SLC22A4: variants seen among roughly 807,000 people sequenced by gnomAD.
SLC22A4 encodes the protein solute carrier family 22 member 4.
Under a neutral mutation model 56.6 loss-of-function variants are expected in SLC22A4, and 39 were observed. That is an observed-to-expected ratio of 0.69 (90% CI 0.53 to 0.90). The LOEUF is 0.90. Ranked by LOEUF, SLC22A4 falls within the 40% of genes least tolerant of loss-of-function variation. The probability of loss-of-function intolerance (pLI) is 0.00; values close to 1 mark genes in which losing one functional copy is unlikely to be tolerated. For missense variants in SLC22A4, 594 were observed against 696.5 expected (o/e 0.85, Z 1.66); for synonymous variants, 241 against 281.4 (o/e 0.86, Z 1.44).
At chr5:132,343,698 G>T in intron 9 of SLC22A4, 62 bp from the exon 10 acceptor site, 1 of 992,560 alleles carries the variant, frequency 1.0e-6, no homozygotes, top group Non-Finnish European at 1.6e-6. Flanking sequence ...AATTTGGATG[G>T]AGCATTTTGA....
At chr5:132,343,038 A>G (rs1377376215) in intron 9 of SLC22A4, among the ~76,000 whole-genome samples, 1 of 152,206 alleles carries the variant, frequency 6.6e-6, no homozygotes, top group Non-Finnish European at 1.5e-5. Context: ...GGGCCCAGCC[A>G]AGGGTTGCCT....
At chr5:132,303,223 C>T (rs574079626) in intron 1 of SLC22A4, among the ~76,000 whole-genome samples, 5 of 152,276 alleles carry the variant, frequency 3.3e-5, no homozygotes, top group East Asian at 1.9e-4. Flanking sequence ...TCTGAGACTT[C>T]GAAGTTAGCA....
At chr5:132,302,740 T>C (rs1486494604) in intron 1 of SLC22A4, among the ~76,000 whole-genome samples, 2 of 152,192 alleles carry the variant, frequency 1.3e-5, no homozygotes, top group African/African-American at 2.4e-5. Context: ...GGTGGATCCA[T>C]TGTCAGGATG....
chr5:132,298,286 A>G (rs762362817), intron 1 of SLC22A4, among the ~76,000 whole-genome samples: 1 of 152,232 alleles, frequency 6.6e-6, no homozygotes, highest in Non-Finnish European at 1.5e-5. Context: ...TATGCGTACA[A>G]TGGACGATTA....
chr5:132,324,272 C>A (rs1165447137), intron 4 of SLC22A4, among the ~76,000 whole-genome samples: 2 of 151,786 alleles, frequency 1.3e-5, no homozygotes, highest in Non-Finnish European at 2.9e-5. Flanking sequence ...TATAAAGCCT[C>A]TGATGGGCTG....
intron 1 of SLC22A4, among the ~76,000 whole-genome samples, chr5:132,304,842 C>T (rs1195879918): frequency 3.3e-5 from 5 of 151,924 alleles, no homozygotes; most frequent in African/African-American, 7.3e-5. Flanking sequence ...ATAAGGCAGC[C>T]ATTATAAATA....
intron 1 of SLC22A4, chr5:132,311,850 C>G: frequency 4.3e-6 from 2 of 462,642 alleles, no homozygotes; most frequent in Admixed American, 3.4e-5. Flanking sequence ...GAGGGGTCAC[C>G]AGTCACAGCC....
At chr5:132,301,564 T>C (rs1459208378) in intron 1 of SLC22A4, among the ~76,000 whole-genome samples, 3 of 152,164 alleles carry the variant, frequency 2.0e-5, no homozygotes, top group Non-Finnish European at 4.4e-5. Context: ...TGAACAGCAG[T>C]AGGACTTACT....
At chr5:132,312,081 C>G in intron 1 of SLC22A4, 80 bp from the exon 2 acceptor site, 1 of 867,486 alleles carries the variant, frequency 1.2e-6, no homozygotes, top group Admixed American at 1.7e-5. Context: ...GCCAGCCGTG[C>G]TAATATTCCC....
chr5:132,303,077 T>A (rs1206978927), intron 1 of SLC22A4, among the ~76,000 whole-genome samples: 1 of 152,220 alleles, frequency 6.6e-6, no homozygotes, highest in Non-Finnish European at 1.5e-5. Flanking sequence ...AGGATTTGTA[T>A]CTAGAATATA....
chr5:132,324,910 C>T (rs1750647699), intron 4 of SLC22A4, among the ~76,000 whole-genome samples: 1 of 152,082 alleles, frequency 6.6e-6, no homozygotes, highest in South Asian at 2.1e-4. Flanking sequence ...TACCAGTGGC[C>T]CTGAGTACAG....
At chr5:132,322,441 G>A (rs1580835819) in intron 4 of SLC22A4, 86 bp downstream of exon 4, 2 of 1,369,234 alleles carry the variant, frequency 1.5e-6, no homozygotes, top group South Asian at 2.3e-5. Flanking sequence ...GACCTAGCCT[G>A]GGCTTGCATG....
At chr5:132,334,043 A>G (rs1279792607) in intron 6 of SLC22A4, among the ~76,000 whole-genome samples, 1 of 152,206 alleles carries the variant, frequency 6.6e-6, no homozygotes, top group East Asian at 1.9e-4. Context: ...TCCTGACCTC[A>G]GGTGATTTGC....
chr5:132,333,264 T>C (rs141241662), intron 6 of SLC22A4, among the ~76,000 whole-genome samples: 74 of 152,366 alleles, frequency 4.9e-4, no homozygotes, highest in African/African-American at 1.7e-3. Context: ...CAGCGTCCAA[T>C]TAACAAGAGC....
intron 3 of SLC22A4, among the ~76,000 whole-genome samples, chr5:132,318,929 T>C (rs1750441584): frequency 6.6e-6 from 1 of 152,024 alleles, no homozygotes; most frequent in Non-Finnish European, 1.5e-5. Flanking sequence ...CACTGCCACA[T>C]GGAAAGCTCA....
At position 132,322,286 on chromosome 5, in the gene SLC22A4, T is replaced by G; in HGVS notation, c.755T>G (p.Phe252Cys). The G allele has an allele frequency of 6.2e-7, 1 of 1,614,152 alleles. No individual in the cohort carries two copies. ...GYMLLPLFAY[F>C]IRDWRMLLLA... ...ATGCTGCTGCCACTGTTTGCTTACT[T>G]CATCAGAGACTGGCGGATGCTGCTG... Residue 252 changes from phenylalanine to cysteine, a missense_variant, in exon 4 of 10, where the codon TTC becomes TGC. Coordinates refer to ENST00000200652, the MANE Select transcript of SLC22A4 (RefSeq NM_003059.3).
At chr5:132,310,040 G>A (rs113602286) in intron 1 of SLC22A4, among the ~76,000 whole-genome samples, 20 of 152,266 alleles carry the variant, frequency 1.3e-4, no homozygotes, top group Non-Finnish European at 2.4e-4. Flanking sequence ...TAAAGGCTGT[G>A]ATGGAGGCCT....
chr5:132,294,711 A>G lies in SLC22A4; in HGVS notation c.95A>G (p.Asn32Ser), dbSNP rs372949734. Reference sequence around the variant, plus strand: ...CTGCTCAGCGCCAGCATCATCCCCAATGGCTTCAATGGTATGTCAGTCGTG... The same window carrying G: ...CTGCTCAGCGCCAGCATCATCCCCAGTGGCTTCAATGGTATGTCAGTCGTG... Reference protein sequence around the residue: ...FFLLSASIIPNGFNGMSVVFL... With the variant: ...FFLLSASIIPSGFNGMSVVFL... The change falls in exon 1 of 10, where the codon AAT becomes AGT. Residue 32 changes from asparagine (N) to serine (S), a missense_variant. Transcript: ENST00000200652. The surrounding 1 kb of genome is among the most constrained non-coding windows in gnomAD (Gnocchi z 5.6). 3.7e-6 allele frequency: 6 copies of G among 1,613,844 alleles called. No homozygotes were observed. Among genetic ancestry groups the G allele is most frequent in the African/African-American group, 2.7e-5 (2 of 74,880 alleles).
chr5:132,342,876 C>G (rs547027071), intron 9 of SLC22A4, among the ~76,000 whole-genome samples: 1 of 152,272 alleles, frequency 6.6e-6, no homozygotes, highest in African/African-American at 2.4e-5. Flanking sequence ...TTCTCCAAAC[C>G]CCATCATTTA....
Sources: gnomAD v4.1 joint callset for allele counts (sites outside exome capture counted in the v4.1 genomes callset) on GRCh38, gnomAD v4.1.1 for gene constraint, Gnocchi (gnomAD v3.1) non-coding constraint, MANE v1.5 for transcripts, NCBI Gene and HGNC (gene_info 2026-07-23, HGNC 2026-07-21) for gene names.